Variants in ADAMTS2 observed in about 807,000 individuals in gnomAD.
ADAMTS2 encodes ADAM metallopeptidase with thrombospondin type 1 motif 2, also known as A disintegrin and metalloproteinase with thrombospondin motifs 2.
In ADAMTS2, 50 loss-of-function variants were observed where a neutral mutation model predicts 123.0. That is an observed-to-expected ratio of 0.41 (90% CI 0.32 to 0.51). ADAMTS2 has a LOEUF of 0.51. ADAMTS2 is among the 20% of genes least tolerant of loss of function. The pLI is 0.35. For synonymous variants in ADAMTS2, 678 were observed against 695.4 expected (o/e 0.98, Z 0.39); for missense variants, 1,494 against 1,705.2 (o/e 0.88, Z 2.18).
intron 3 of ADAMTS2, among the ~76,000 whole-genome samples, chr5:179,218,825 AC>A (rs2113401419): frequency 6.6e-6 from 1 of 152,310 alleles, no homozygotes; most frequent in Admixed American, 6.5e-5. Flanking sequence ...AAAAGGAAGC[AC>A]TAAAGGAGAG....
chr5:179,162,248 G>C lies in ADAMTS2; in HGVS notation c.976-3369C>G, dbSNP rs1763605293. 6.6e-6 allele frequency among the ~76,000 whole-genome samples: 1 copy of C among 152,164 alleles called. No individual in the cohort carries two copies. The highest frequency in any genetic ancestry group is 6.5e-5 in the Admixed American group (1 of 15,282). On this transcript the variant is annotated intron_variant, in intron 5 of 21. Transcript: ENST00000251582. This position sits in a 1 kb window ranked among gnomAD's most constrained non-coding sequence, Gnocchi z 5.1. ...TCCTTTAATCTGAGTCAGACCCCAG[G>C]CTTCAGGGGCAGGCAGGCCTGGCCA...
chr5:179,247,900 A>C (rs1765840736), intron 3 of ADAMTS2, among the ~76,000 whole-genome samples: 1 of 152,192 alleles, frequency 6.6e-6, no homozygotes, highest in Admixed American at 6.5e-5. Flanking sequence ...GTTGAAATAA[A>C]AGGACAGAAG....
At chr5:179,280,823 A>G (rs1488934311) in intron 2 of ADAMTS2, among the ~76,000 whole-genome samples, 1 of 152,220 alleles carries the variant, frequency 6.6e-6, no homozygotes, top group Non-Finnish European at 1.5e-5. Flanking sequence ...AATGCAACTG[A>G]AAAGGGAATC....
chr5:179,343,062 G>A (rs559917291), intron 2 of ADAMTS2, among the ~76,000 whole-genome samples: 112 of 152,294 alleles, frequency 7.4e-4, no homozygotes, highest in African/African-American at 2.6e-3. Context: ...TCAAAATAGA[G>A]AAAACCAACT....
chr5:179,138,049 TC>T, intron 11 of ADAMTS2, 105 bp from the exon 12 acceptor site: 1 of 1,315,452 alleles, frequency 7.6e-7, no homozygotes, highest in East Asian at 2.5e-5. Context: ...GTCTCAGGTG[TC>T]CGGGGGGCAG....
intron 3 of ADAMTS2, among the ~76,000 whole-genome samples, chr5:179,231,201 GA>G (rs1765405977): frequency 6.6e-6 from 1 of 152,226 alleles, no homozygotes; most frequent in Non-Finnish European, 1.5e-5. Context: ...TCAAACGCAT[GA>G]AAGCAGATGA....
chr5:179,259,301 G>A (rs1341809374), intron 3 of ADAMTS2, among the ~76,000 whole-genome samples: 2 of 152,222 alleles, frequency 1.3e-5, no homozygotes, highest in Non-Finnish European at 2.9e-5. Flanking sequence ...GGCTCACTCT[G>A]TGGCACTTCC....
chr5:179,137,976 G>T (rs534186782), intron 11 of ADAMTS2, 32 bp from the exon 12 acceptor site: 3 of 1,538,866 alleles, frequency 1.9e-6, no homozygotes, highest in Non-Finnish European at 2.6e-6. Context: ...TTGCCGCTCC[G>T]TGCCATTGGA....
intron 10 of ADAMTS2, among the ~76,000 whole-genome samples, chr5:179,147,165 T>G (rs146840015): frequency 0.011 from 1,671 of 152,308 alleles, 35 homozygotes; most frequent in African/African-American, 0.037. Context: ...CTTGACTCAC[T>G]GCAAGCTCCA....
At position 179,238,981 on chromosome 5, in the gene ADAMTS2, G is replaced by A. The variant is rs1256282612; in HGVS notation, c.689-31266C>T. ...TGAATGGTTGCCTGGAAGGTGGTGG[G>A]GGAGGAAGGACGACAGCTAAGGGGT... is the stretch of plus-strand genomic sequence containing the variant. On this transcript the variant is annotated intron_variant, in intron 3 of 21. Transcript: ENST00000251582. Among the ~76,000 whole-genome samples, 8 of 152,204 alleles carry A rather than the reference G, an allele frequency of 5.3e-5. No individual in the cohort carries two copies. In the East Asian group the frequency reaches 1.5e-3, roughly 29 times the overall value.
chr5:179,340,379 C>T (rs1757738160), intron 2 of ADAMTS2, among the ~76,000 whole-genome samples: 2 of 152,190 alleles, frequency 1.3e-5, no homozygotes, highest in Admixed American at 6.5e-5. Context: ...AGCTGCAGCC[C>T]AGCGCAGGTC....
Position 179,128,034 on chromosome 5 carries a change from C to CGTT in ADAMTS2, c.2539_2541dup (p.Asn847dup), listed in dbSNP as rs755513065. On this transcript the variant is annotated inframe_insertion, in exon 17 of 22. Transcript: ENST00000251582. This position sits in a 1 kb window ranked among gnomAD's most constrained non-coding sequence, Gnocchi z 4.9. ...TAGACCACAGAGTCCTCTTCCAGGA[C>CGTT]GTTGTTGTCGTCGACATTCAGTGAG... is the stretch of plus-strand genomic sequence containing the variant. 2.5e-6 allele frequency: 4 copies of CGTT among 1,613,986 alleles called. No homozygotes were observed. In the African/African-American group the frequency reaches 4.0e-5, roughly 16 times the overall value.
At chr5:179,229,623 C>T (rs1561605646) in intron 3 of ADAMTS2, among the ~76,000 whole-genome samples, 1 of 152,200 alleles carries the variant, frequency 6.6e-6, no homozygotes, top group African/African-American at 2.4e-5. Flanking sequence ...AGGTACATCC[C>T]CCAAGGCCCA....
chr5:179,129,566 G>A lies in ADAMTS2; in HGVS notation c.2457+366C>T, dbSNP rs1762924087. Among the ~76,000 whole-genome samples, 2 of 152,114 alleles carry A rather than the reference G, an allele frequency of 1.3e-5. No homozygotes were observed. Among genetic ancestry groups the A allele is most frequent in the African/African-American group, 4.8e-5 (2 of 41,408 alleles). On this transcript the variant is annotated intron_variant, in intron 16 of 21. Transcript: ENST00000251582. This position sits in a 1 kb window ranked among gnomAD's most constrained non-coding sequence, Gnocchi z 4.1. Reference sequence around the variant, plus strand: ...CACAGTCCAGCTCAACCTGGGTCTGGGCATCTAGCTTCCCAGACCCTGAGC... The same window carrying A: ...CACAGTCCAGCTCAACCTGGGTCTGAGCATCTAGCTTCCCAGACCCTGAGC...
At chr5:179,249,260 C>G (rs1203793779) in intron 3 of ADAMTS2, among the ~76,000 whole-genome samples, 1 of 151,858 alleles carries the variant, frequency 6.6e-6, no homozygotes, top group East Asian at 1.9e-4. Flanking sequence ...AAGCAGTGCC[C>G]AGAAGAATAT....
At chr5:179,293,021 TG>T (rs1247826889) in intron 2 of ADAMTS2, among the ~76,000 whole-genome samples, 1 of 152,138 alleles carries the variant, frequency 6.6e-6, no homozygotes, top group African/African-American at 2.4e-5. Flanking sequence ...CCTCTGTTGT[TG>T]GGGGGAGAGG....
At chr5:179,186,847 C>A (rs539976554) in intron 4 of ADAMTS2, among the ~76,000 whole-genome samples, 7 of 139,586 alleles carry the variant, frequency 5.0e-5, no homozygotes, top group Non-Finnish European at 6.3e-5. Flanking sequence ...CCCACCCCCC[C>A]ACCCACACAC....
At chr5:179,315,583 C>T (rs944917949) in intron 2 of ADAMTS2, among the ~76,000 whole-genome samples, 5 of 152,242 alleles carry the variant, frequency 3.3e-5, no homozygotes, top group South Asian at 2.1e-4. Context: ...TCCGGGGACA[C>T]GAGCTGGGAT....
In ADAMTS2 at chr5:179,121,703, A is replaced by G; in HGVS notation, c.3136T>C (p.Ser1046Pro). Residue 1046 changes from serine to proline, a missense_variant, in exon 21 of 22, where the codon TCC (serine) becomes CCC (proline). Coordinates refer to ENST00000251582, the MANE Select transcript of ADAMTS2 (RefSeq NM_014244.5). The stretch of plus-strand genomic sequence containing the variant: ...ATGGGCGAGTCGGGGTCCGGGCGGG[A>G]CAGCCACTGAACTACGTAGCTCTTC... ...SKKSYVVQWLSRPDPDSPIRK... is the reference protein window; with the variant it reads ...SKKSYVVQWLPRPDPDSPIRK... 6.3e-7 allele frequency: 1 copy of G among 1,596,590 alleles called. No individual in the cohort carries two copies. Among genetic ancestry groups the G allele is most frequent in the Non-Finnish European group, 8.5e-7 (1 of 1,171,614 alleles).
Sources: gnomAD v4.1 joint callset for allele counts (sites outside exome capture counted in the v4.1 genomes callset) on GRCh38, gnomAD v4.1.1 for gene constraint, Gnocchi (gnomAD v3.1) non-coding constraint, MANE v1.5 for transcripts, NCBI Gene and HGNC (gene_info 2026-07-23, HGNC 2026-07-21) for gene names.